NDUFAF2: variants seen among roughly 807,000 people sequenced by gnomAD.
NDUFAF2 encodes the protein NADH:ubiquinone oxidoreductase complex assembly factor 2.
A neutral mutation model predicts 22.8 loss-of-function variants in NDUFAF2; 13 were observed. The ratio of observed to expected loss-of-function variants is 0.57; its 90% CI spans 0.37 to 0.91. NDUFAF2 has a LOEUF of 0.91. NDUFAF2 is among the 40% of genes least tolerant of loss of function. The probability of loss-of-function intolerance (pLI) is 0.01; values close to 1 mark genes in which losing one functional copy is unlikely to be tolerated. For missense variants in NDUFAF2, 162 were observed against 195.2 expected (o/e 0.83, Z 1.01); for synonymous variants, 53 against 64.2 (o/e 0.83, Z 0.84).
At chr5:61,020,226 A>T in intron 1 of NDUFAF2, among the ~76,000 whole-genome samples, 1 of 152,096 alleles carries the variant, frequency 6.6e-6, no homozygotes, top group Admixed American at 6.5e-5. Context: ...TTTTAATTAC[A>T]TCGTTTTTTA....
At chr5:61,087,729 A>G (rs1275227908) in intron 2 of NDUFAF2, among the ~76,000 whole-genome samples, 3 of 152,164 alleles carry the variant, frequency 2.0e-5, no homozygotes, top group Admixed American at 6.6e-5. Context: ...AGCTTTATTC[A>G]TAATAGCCAA....
intron 3 of NDUFAF2, among the ~76,000 whole-genome samples, chr5:61,130,925 T>C (rs1042412468): frequency 2.0e-5 from 3 of 152,114 alleles, no homozygotes; most frequent in South Asian, 2.1e-4. Flanking sequence ...CAACCTTCTT[T>C]AGGCTGAAAA....
At chr5:61,133,480 G>C (rs1753137844) in intron 3 of NDUFAF2, among the ~76,000 whole-genome samples, 1 of 152,002 alleles carries the variant, frequency 6.6e-6, no homozygotes, top group South Asian at 2.1e-4. Flanking sequence ...TTACCACATT[G>C]ATGTTTTTAA....
chr5:61,022,934 C>T (rs1210650161), intron 1 of NDUFAF2, among the ~76,000 whole-genome samples: 2 of 152,204 alleles, frequency 1.3e-5, no homozygotes, highest in African/African-American at 4.8e-5. Flanking sequence ...CGTGAACCAC[C>T]ATGCCCGGCC....
chr5:61,122,167 C>T (rs1242065795), intron 3 of NDUFAF2, among the ~76,000 whole-genome samples: 3 of 152,238 alleles, frequency 2.0e-5, no homozygotes, highest in Non-Finnish European at 4.4e-5. Context: ...TTTCCTGGGT[C>T]TCCAGCCTGC....
At chr5:61,112,813 T>C (rs1209555644) in intron 3 of NDUFAF2, among the ~76,000 whole-genome samples, 2 of 152,114 alleles carry the variant, frequency 1.3e-5, no homozygotes, top group Non-Finnish European at 2.9e-5. Flanking sequence ...TGTGGGTTTC[T>C]CTTCCTTCTT....
chr5:61,138,735 T>G (rs1347925335), intron 3 of NDUFAF2, among the ~76,000 whole-genome samples: 1 of 152,152 alleles, frequency 6.6e-6, no homozygotes, highest in East Asian at 1.9e-4. Context: ...GGCAGCAGGA[T>G]ACCTGTATGC....
chr5:61,110,228 G>A (rs1752821185), intron 3 of NDUFAF2, among the ~76,000 whole-genome samples: 1 of 151,140 alleles, frequency 6.6e-6, no homozygotes, highest in Admixed American at 6.6e-5. Flanking sequence ...TTGCATCAGT[G>A]TTCATCAGGG....
At chr5:61,085,823 A>G (rs1752499873) in intron 2 of NDUFAF2, among the ~76,000 whole-genome samples, 1 of 152,166 alleles carries the variant, frequency 6.6e-6, no homozygotes, top group African/African-American at 2.4e-5. Context: ...ATTGAAAAAC[A>G]TAAAATATCA....
At chr5:61,003,409 G>A (rs575449645) in intron 1 of NDUFAF2, among the ~76,000 whole-genome samples, 2 of 151,588 alleles carry the variant, frequency 1.3e-5, no homozygotes, top group African/African-American at 2.4e-5. Context: ...ATTTAAATAA[G>A]GAGAACTCTT....
chr5:60,974,376 T>G (rs1750874761), intron 1 of NDUFAF2, among the ~76,000 whole-genome samples: 1 of 152,186 alleles, frequency 6.6e-6, no homozygotes. Flanking sequence ...TTTTCTGCTT[T>G]TAAAGTTTTG....
At position 61,027,380 on chromosome 5, in the gene NDUFAF2, T is replaced by C. The variant is rs549925550; in HGVS notation, c.128-45745T>C. On this transcript the variant is annotated intron_variant, in intron 1 of 3. Transcript: ENST00000296597. ...GGCTAGATTACAAGAATGTGCTTAT[T>C]CTTCTAGGAGTCTATAAATGCTTGC... 5.9e-5 allele frequency among the ~76,000 whole-genome samples: 9 copies of C among 151,920 alleles called. No homozygotes were observed. In the East Asian group the frequency reaches 1.5e-3, roughly 26 times the overall value.
At chr5:61,089,521 G>T (rs925515401) in intron 2 of NDUFAF2, among the ~76,000 whole-genome samples, 1 of 152,132 alleles carries the variant, frequency 6.6e-6, no homozygotes, top group African/African-American at 2.4e-5. Context: ...AAGTGGTCAC[G>T]TTGAGCATTT....
chr5:61,069,647 G>A (rs926409658), intron 1 of NDUFAF2, among the ~76,000 whole-genome samples: 1 of 152,106 alleles, frequency 6.6e-6, no homozygotes, highest in Non-Finnish European at 1.5e-5. Context: ...CTGCTCTAGA[G>A]GCTCCTTCCC....
intron 1 of NDUFAF2, among the ~76,000 whole-genome samples, chr5:61,037,611 A>G (rs1391720403): frequency 1.3e-5 from 2 of 152,230 alleles, no homozygotes; most frequent in African/African-American, 4.8e-5. Flanking sequence ...TATTCAACAT[A>G]TTAAAAGCTC....
intron 3 of NDUFAF2, among the ~76,000 whole-genome samples, chr5:61,113,891 T>C (rs1229003158): frequency 6.6e-6 from 1 of 152,142 alleles, no homozygotes; most frequent in Non-Finnish European, 1.5e-5. Flanking sequence ...CACTGAAAAG[T>C]CTGCTGCCAA....
chr5:61,142,135 A>G (rs980091467), intron 3 of NDUFAF2, among the ~76,000 whole-genome samples: 1 of 152,232 alleles, frequency 6.6e-6, no homozygotes, highest in Non-Finnish European at 1.5e-5. Flanking sequence ...GTTCAATTAA[A>G]TAGGACTAGC....
chr5:60,979,287 C>T (rs1191273652), intron 1 of NDUFAF2, among the ~76,000 whole-genome samples: 1 of 152,050 alleles, frequency 6.6e-6, no homozygotes, highest in Non-Finnish European at 1.5e-5. Flanking sequence ...AGAGAGGAGA[C>T]TAAGGGGATT....
intron 2 of NDUFAF2, among the ~76,000 whole-genome samples, chr5:61,083,769 A>G (rs1752473821): frequency 6.6e-6 from 1 of 151,574 alleles, no homozygotes; most frequent in African/African-American, 2.4e-5. Context: ...GTTGTTTTCT[A>G]TTTTAATTTC....
Sources: gnomAD v4.1 joint callset for allele counts (sites outside exome capture counted in the v4.1 genomes callset) on GRCh38, gnomAD v4.1.1 for gene constraint, MANE v1.5 for transcripts, NCBI Gene and HGNC (gene_info 2026-07-23, HGNC 2026-07-21) for gene names.